Variants in SORCS1 observed in about 807,000 individuals in gnomAD.
The protein encoded by SORCS1 is sortilin related VPS10 domain containing receptor 1, also known as VPS10 domain-containing receptor SorCS1.
A neutral mutation model predicts 146.1 loss-of-function variants in SORCS1; 60 were observed. The observed-to-expected ratio is 0.41, with a 90% confidence interval of 0.33 to 0.51. The LOEUF is 0.51. Among genes scored for constraint, SORCS1 ranks in the 20% least tolerant of loss-of-function variants. The pLI, the probability that SORCS1 is intolerant of heterozygous loss-of-function variation, is 0.21. For missense variants in SORCS1, 1,352 were observed against 1,487.6 expected, an observed-to-expected ratio of 0.91 and a Z score of 1.50; for synonymous variants, 637 against 584.0, an observed-to-expected ratio of 1.09 and a Z score of -1.31.
chr10:106,840,143 C>G (rs1231748767), intron 2 of SORCS1, among the ~76,000 whole-genome samples: 1 of 152,150 alleles, frequency 6.6e-6, no homozygotes, highest in African/African-American at 2.4e-5. Context: ...AAGGCTACAG[C>G]TTCCATAGAT....
At chr10:106,959,041 T>C (rs1315001024) in intron 1 of SORCS1, among the ~76,000 whole-genome samples, 1 of 152,160 alleles carries the variant, frequency 6.6e-6, no homozygotes, top group East Asian at 1.9e-4. Flanking sequence ...AGGCTGTGTC[T>C]CCCATTCTTG....
At chr10:107,137,904 C>CT (rs536175033) in intron 1 of SORCS1, among the ~76,000 whole-genome samples, 2 of 151,822 alleles carry the variant, frequency 1.3e-5, no homozygotes, top group South Asian at 4.2e-4. Flanking sequence ...ATTTTATACG[C>CT]TTTTTTAACT....
At chr10:106,707,132 G>A (rs779106687) in intron 7 of SORCS1, among the ~76,000 whole-genome samples, 17 of 151,984 alleles carry the variant, frequency 1.1e-4, no homozygotes, top group Admixed American at 3.9e-4. Context: ...ATATTAGATG[G>A]AAAACCAGGC....
intron 3 of SORCS1, among the ~76,000 whole-genome samples, chr10:106,777,869 G>C (rs528538887): frequency 1.3e-5 from 2 of 152,186 alleles, no homozygotes; most frequent in South Asian, 4.2e-4. Context: ...TTATTAATTG[G>C]TACTTTCTGA....
intron 1 of SORCS1, among the ~76,000 whole-genome samples, chr10:107,092,521 C>T (rs1047560664): frequency 3.9e-5 from 6 of 152,182 alleles, no homozygotes; most frequent in Non-Finnish European, 8.8e-5. Flanking sequence ...TTCTCCCTGC[C>T]TTGCACATGA....
At chr10:107,010,544 C>T (rs1405505527) in intron 1 of SORCS1, among the ~76,000 whole-genome samples, 1 of 152,148 alleles carries the variant, frequency 6.6e-6, no homozygotes, top group Admixed American at 6.5e-5. Context: ...GTTCATCTCC[C>T]CTGCAGATGT....
At chr10:107,167,783 C>T (rs1590290432), upstream of SORCS1, among the ~76,000 whole-genome samples, 1 of 151,576 alleles carries the variant, frequency 6.6e-6, no homozygotes, top group African/African-American at 2.4e-5. Context: ...ACAATATAAA[C>T]ATATGTATAT....
chr10:106,750,764 A>AAAG (rs1346498470), intron 5 of SORCS1, among the ~76,000 whole-genome samples: 1 of 138,630 alleles, frequency 7.2e-6, no homozygotes, highest in East Asian at 2.1e-4. Context: ...AAAAAAAAGA[A>AAAG]AAGAAAAAGA....
chr10:107,173,160 C>T, the SORCS1 span, among the ~76,000 whole-genome samples: 2 of 152,150 alleles, frequency 1.3e-5, no homozygotes, highest in Non-Finnish European at 2.9e-5. Context: ...TATAACTATA[C>T]ATTAATTTTG....
At chr10:107,127,451 T>C (rs1202926376) in intron 1 of SORCS1, among the ~76,000 whole-genome samples, 1 of 152,168 alleles carries the variant, frequency 6.6e-6, no homozygotes, top group African/African-American at 2.4e-5. Context: ...GGCATGTCTT[T>C]CTGTTCATTT....
chr10:106,809,024 C>CTAA (rs1947327147), intron 3 of SORCS1, among the ~76,000 whole-genome samples: 2 of 152,034 alleles, frequency 1.3e-5, no homozygotes. Context: ...TCCCTTTTAC[C>CTAA]GCCAGTTGTA....
At chr10:106,776,292 C>T (rs1860425709) in intron 4 of SORCS1, among the ~76,000 whole-genome samples, 1 of 152,168 alleles carries the variant, frequency 6.6e-6, no homozygotes, top group South Asian at 2.1e-4. Context: ...CTGAGAACTG[C>T]TTCTCCACCA....
chr10:107,117,710 C>T (rs1430232748), intron 1 of SORCS1, among the ~76,000 whole-genome samples: 1 of 152,178 alleles, frequency 6.6e-6, no homozygotes, highest in Non-Finnish European at 1.5e-5. Context: ...CTCTGTTACT[C>T]CCTTTCTTCT....
intron 15 of SORCS1, among the ~76,000 whole-genome samples, chr10:106,671,638 G>T (rs747399992): frequency 6.6e-6 from 1 of 152,174 alleles, no homozygotes; most frequent in Admixed American, 6.5e-5. Context: ...AGTGTTGGGT[G>T]CAGTGCTATG....
At chr10:107,140,224 C>G (rs34328262) in intron 1 of SORCS1, among the ~76,000 whole-genome samples, 13,101 of 152,248 alleles carry the variant, frequency 0.086, 640 homozygotes, top group African/African-American at 0.14. Context: ...ACCAAACTTT[C>G]CTTGCAGAAT....
chr10:106,899,712 TAG>T (rs1452440707), intron 2 of SORCS1, among the ~76,000 whole-genome samples: 4 of 151,844 alleles, frequency 2.6e-5, no homozygotes, highest in African/African-American at 7.3e-5. Context: ...TCTTTCTGTG[TAG>T]AGTCTTTTAA....
chr10:106,637,814 C>T (rs2133644341), intron 18 of SORCS1, among the ~76,000 whole-genome samples: 1 of 152,350 alleles, frequency 6.6e-6, no homozygotes, highest in Admixed American at 6.5e-5. Context: ...ACTTCTGGAT[C>T]TAATGCCCAG....
chr10:106,710,226 A>C (rs766740059), intron 6 of SORCS1, among the ~76,000 whole-genome samples: 6 of 152,176 alleles, frequency 3.9e-5, no homozygotes, highest in Non-Finnish European at 7.3e-5. Flanking sequence ...AAGCAGGTGG[A>C]TCACGAGGTC....
intron 1 of SORCS1, among the ~76,000 whole-genome samples, chr10:107,094,734 T>G (rs1426874813): frequency 2.6e-5 from 4 of 152,188 alleles, no homozygotes; most frequent in Non-Finnish European, 2.9e-5. Context: ...GAGTAGGGAA[T>G]GATAAAGATA....
Sources: gnomAD v4.1 joint callset for allele counts (sites outside exome capture counted in the v4.1 genomes callset) on GRCh38, gnomAD v4.1.1 for gene constraint, MANE v1.5 for transcripts, NCBI Gene and HGNC (gene_info 2026-07-23, HGNC 2026-07-21) for gene names.